The following EYS variants were observed in gnomAD, a reference collection of about 807,000 sequenced individuals.
EYS encodes protein eyes shut homolog.
Under a neutral mutation model 282.1 loss-of-function variants are expected in EYS, and 250 were observed. The observed-to-expected ratio is 0.89, with a 90% CI of 0.80 to 0.98. The LOEUF is 0.98. Ranked by LOEUF, EYS falls within the 50% of genes least tolerant of loss-of-function variation. EYS has a pLI of 0.00. For synonymous variants in EYS, 1,355 were observed against 1,282.9 expected (o/e 1.06, Z -1.20); for missense variants, 4,016 against 3,709.0 (o/e 1.08, Z -2.15).
At chr6:64,997,787 C>A (rs567779767) in intron 13 of EYS, 84 bp from the exon 14 acceptor site, 1 of 1,264,374 alleles carries the variant, frequency 7.9e-7, no homozygotes, top group Non-Finnish European at 1.1e-6. Context: ...ATTCTATAAT[C>A]ATTTATGTAG....
At position 64,500,894 on chromosome 6, in the gene EYS, A is replaced by G. The variant is rs1187361360; in HGVS notation, c.5645-61542T>C. ...TTTTCCTGTTTTCATTATTGATTGC[A>G]TAACATTGATTATGTTAACTGTGCA... On this transcript the variant is annotated intron_variant, in intron 26 of 42. Coordinates refer to ENST00000503581, the MANE Select transcript of EYS (RefSeq NM_001142800.2). Among the ~76,000 whole-genome samples, 3 of 152,114 alleles carry G rather than the reference A, an allele frequency of 2.0e-5. No individual in the cohort carries two copies. The East Asian group carries it at 5.8e-4, about 29-fold the overall frequency.
chr6:64,959,225 T>C (rs944053989), intron 14 of EYS, among the ~76,000 whole-genome samples: 1 of 152,212 alleles, frequency 6.6e-6, no homozygotes, highest in Non-Finnish European at 1.5e-5. Flanking sequence ...TGGAATTCCA[T>C]AATTCCTCAA....
At chr6:64,113,994 G>T (rs1773294837) in intron 31 of EYS, among the ~76,000 whole-genome samples, 1 of 152,154 alleles carries the variant, frequency 6.6e-6, no homozygotes, top group South Asian at 2.1e-4. Flanking sequence ...TTGACTGGTT[G>T]TGTCAGACTA....
At chr6:64,565,844 T>C (rs535293241) in intron 26 of EYS, among the ~76,000 whole-genome samples, 1 of 152,112 alleles carries the variant, frequency 6.6e-6, no homozygotes, top group South Asian at 2.1e-4. Flanking sequence ...ATCATTTTAT[T>C]GTATATGTAT....
Position 65,266,923 on chromosome 6 carries a change from T to G in EYS, c.2023+28940A>C, listed in dbSNP as rs1050957989. Among the ~76,000 whole-genome samples, 6 of 143,552 alleles carry G rather than the reference T, an allele frequency of 4.2e-5. No individual in the cohort carries two copies. The Admixed American group carries it at 4.2e-4, about 10-fold the overall frequency. 94.2% of individuals were successfully genotyped at this position (143,552 alleles called of 152,430 possible). On this transcript the variant is annotated intron_variant, in intron 12 of 42. Transcript: ENST00000503581. ...ATATATATATACATCTTGAGACATATATATACACAAACATTGATATATATA... is the reference window on the plus strand; with the variant it reads ...ATATATATATACATCTTGAGACATAGATATACACAAACATTGATATATATA...
At chr6:64,116,044 G>A (rs1773371222) in intron 31 of EYS, among the ~76,000 whole-genome samples, 1 of 151,898 alleles carries the variant, frequency 6.6e-6, no homozygotes, top group African/African-American at 2.4e-5. Flanking sequence ...AAAAAAATGA[G>A]AAGTTCAATA....
intron 36 of EYS, among the ~76,000 whole-genome samples, chr6:63,808,258 A>G (rs116421727): frequency 8.3e-4 from 126 of 152,334 alleles, no homozygotes; most frequent in African/African-American, 2.9e-3. Flanking sequence ...AGACCAAAAC[A>G]GCATGTCATA....
chr6:63,950,338 C>T (rs1407774251), intron 35 of EYS, among the ~76,000 whole-genome samples: 1 of 152,040 alleles, frequency 6.6e-6, no homozygotes, highest in Non-Finnish European at 1.5e-5. Context: ...GATGACATTA[C>T]CTTGTGAAAT....
chr6:64,303,915 ATAGCT>A (rs1769335690), intron 30 of EYS, among the ~76,000 whole-genome samples: 1 of 151,900 alleles, frequency 6.6e-6, no homozygotes, highest in African/African-American at 2.4e-5. Context: ...CCTTGAGTTA[ATAGCT>A]TAAAGTACAT....
intron 2 of EYS, among the ~76,000 whole-genome samples, chr6:65,576,145 A>G (rs1764658195): frequency 6.6e-6 from 1 of 152,160 alleles, no homozygotes; most frequent in African/African-American, 2.4e-5. Context: ...TTACAGGTCA[A>G]TAATCTTAAT....
intron 31 of EYS, among the ~76,000 whole-genome samples, chr6:64,218,969 T>C (rs893689447): frequency 1.3e-5 from 2 of 152,148 alleles, no homozygotes; most frequent in Non-Finnish European, 2.9e-5. Context: ...ACAGCAGGCA[T>C]GTACTTCCCT....
At chr6:65,230,691 T>C (rs1341380822) in intron 12 of EYS, among the ~76,000 whole-genome samples, 1 of 151,812 alleles carries the variant, frequency 6.6e-6, no homozygotes. Context: ...ACTCCTGAGT[T>C]ACAACGTTGA....
intron 12 of EYS, among the ~76,000 whole-genome samples, chr6:65,142,499 C>CACACACACACACACAA (rs1384719496): frequency 1.3e-5 from 2 of 151,258 alleles, no homozygotes; most frequent in African/African-American, 2.4e-5. Flanking sequence ...CACACACACA[C>CACACACACACACACAA]ACACACACAC....
chr6:65,278,057 C>CTTTTCTTTTCTTTTCTTTTCTT (rs1562067588), intron 12 of EYS, among the ~76,000 whole-genome samples: 1 of 145,022 alleles, frequency 6.9e-6, no homozygotes, highest in Non-Finnish European at 1.5e-5. Flanking sequence ...CTTTTCTTTT[C>CTTTTCTTTTCTTTTCTTTTCTT]TTTTTTTCTG....
intron 12 of EYS, among the ~76,000 whole-genome samples, chr6:65,286,595 G>T (rs1768374410): frequency 1.3e-5 from 2 of 151,652 alleles, no homozygotes; most frequent in Admixed American, 6.6e-5. Context: ...ATGTACATAA[G>T]TTATAGAAAT....
At chr6:65,109,233 G>C (rs1775134672) in intron 12 of EYS, among the ~76,000 whole-genome samples, 1 of 151,714 alleles carries the variant, frequency 6.6e-6, no homozygotes, top group Non-Finnish European at 1.5e-5. Context: ...GGTTATTTTA[G>C]GGTCGAAACT....
intron 14 of EYS, among the ~76,000 whole-genome samples, chr6:64,971,437 T>C (rs901278424): frequency 3.3e-5 from 5 of 152,090 alleles, no homozygotes; most frequent in African/African-American, 9.7e-5. Flanking sequence ...TGCTCTTATC[T>C]ATAAAGCTGC....
intron 22 of EYS, among the ~76,000 whole-genome samples, chr6:64,729,978 A>T (rs1483831930): frequency 6.6e-6 from 1 of 152,240 alleles, no homozygotes; most frequent in Non-Finnish European, 1.5e-5. Context: ...GTGAGAAAAT[A>T]TAAAAGGAAA....
rs190245376 is a variant in EYS at position 64,319,106 on chromosome 6, T to C, written c.6079-12024A>G. 3.1e-4 allele frequency among the ~76,000 whole-genome samples: 47 copies of C among 152,110 alleles called. 1 individual carries two copies. In the East Asian group the frequency reaches 6.9e-3, roughly 22 times the overall value. ...TTATATTGTTATTGCCACTTCTGTT[T>C]TTTAATGGTAGTCTTTGCTGTCTAC... On this transcript the variant is annotated intron_variant, in intron 29 of 42. Transcript: ENST00000503581.
Sources: gnomAD v4.1 joint callset for allele counts (sites outside exome capture counted in the v4.1 genomes callset) on GRCh38, gnomAD v4.1.1 for gene constraint, MANE v1.5 for transcripts, NCBI Gene and HGNC (gene_info 2026-07-23, HGNC 2026-07-21) for gene names.